TFDP1: variants seen among roughly 807,000 people sequenced by gnomAD.
The protein encoded by TFDP1 is DRTF1-polypeptide 1.
In TFDP1, 6 loss-of-function variants were observed where a neutral mutation model predicts 48.0. The observed-to-expected ratio is 0.13, with a 90% CI of 0.07 to 0.25. TFDP1 has a LOEUF of 0.25. TFDP1 is among the 10% of genes least tolerant of loss of function. The pLI is 1.00. For missense variants in TFDP1, 335 were observed against 543.0 expected, an observed-to-expected ratio of 0.62 and a Z score of 3.81; for synonymous variants, 201 against 211.6, an observed-to-expected ratio of 0.95 and a Z score of 0.44.
Position 113,623,596 on chromosome 13 carries a change from T to A in TFDP1, c.186+310T>A, listed in dbSNP as rs997758643. ...CCAACCAGAGGCAGCTTCCTTTTAGTGTCAGAGCTCGAAGCTCTTCATCTA... is the reference window on the plus strand; with the variant it reads ...CCAACCAGAGGCAGCTTCCTTTTAGAGTCAGAGCTCGAAGCTCTTCATCTA... On this transcript the variant is annotated intron_variant, in intron 4 of 11. Coordinates refer to ENST00000375370, the MANE Select transcript of TFDP1 (RefSeq NM_007111.5). This position sits in a 1 kb window ranked among gnomAD's most constrained non-coding sequence, Gnocchi z 5.2. Among the ~76,000 whole-genome samples the A allele has an allele frequency of 2.6e-5, 4 of 152,050 alleles. No individual in the cohort carries two copies. The highest frequency in any genetic ancestry group is 9.7e-5 in the African/African-American group (4 of 41,392).
chr13:113,603,820 G>T (rs192928605), intron 2 of TFDP1, among the ~76,000 whole-genome samples: 7 of 152,278 alleles, frequency 4.6e-5, no homozygotes, highest in Admixed American at 2.0e-4. Flanking sequence ...GGCAGGTAGG[G>T]TTGCATCTTG....
chr13:113,636,921 G>A (rs879671147), intron 10 of TFDP1, among the ~76,000 whole-genome samples: 3 of 152,212 alleles, frequency 2.0e-5, no homozygotes, highest in African/African-American at 7.2e-5. Flanking sequence ...GGGGCCTTGA[G>A]TCCACAGGTG....
chr13:113,609,460 A>C (rs981253819), intron 2 of TFDP1, among the ~76,000 whole-genome samples: 1 of 151,830 alleles, frequency 6.6e-6, no homozygotes, highest in African/African-American at 2.4e-5. Context: ...GCGTCCTAGG[A>C]TGTGAACTTG....
At chr13:113,608,693 G>C (rs775398156) in intron 2 of TFDP1, among the ~76,000 whole-genome samples, 2 of 152,176 alleles carry the variant, frequency 1.3e-5, no homozygotes, top group Admixed American at 1.3e-4. Flanking sequence ...GACCCACCTT[G>C]TGTTTAACTT....
chr13:113,633,316 G>T lies in TFDP1; in HGVS notation c.474+31G>T, dbSNP rs1235770999. The T allele has an allele frequency of 1.1e-5, 18 of 1,603,238 alleles. No homozygotes were observed. Among genetic ancestry groups the T allele is most frequent in the Non-Finnish European group, 1.5e-5 (17 of 1,172,304 alleles). On this transcript the variant is annotated intron_variant, in intron 6 of 11. Transcript: ENST00000375370. This position sits in a 1 kb window ranked among gnomAD's most constrained non-coding sequence, Gnocchi z 4.5. ...TGTGTGCCGGGGGCCGAGAGGCTGG[G>T]GTGGCGGAGCCCAGCGGTGTGGTAC...
At chr13:113,601,978 G>A (rs1415977089) in intron 2 of TFDP1, among the ~76,000 whole-genome samples, 2 of 148,838 alleles carry the variant, frequency 1.3e-5, no homozygotes, top group Non-Finnish European at 3.0e-5. Flanking sequence ...GTAGCGGACA[G>A]AGGAGGGACG....
chr13:113,613,258 C>T (rs986663361), intron 3 of TFDP1, among the ~76,000 whole-genome samples: 15 of 152,240 alleles, frequency 9.9e-5, no homozygotes, highest in Admixed American at 6.5e-5. Context: ...TCATGATCCG[C>T]CCACCTTGGC....
At chr13:113,605,255 T>C (rs11164141) in intron 2 of TFDP1, among the ~76,000 whole-genome samples, 74,442 of 151,846 alleles carry the variant, frequency 0.49, 20,851 homozygotes, top group African/African-American at 0.77. Flanking sequence ...GAGTGGGATC[T>C]CGTTTTTCAG....
At chr13:113,601,655 C>T (rs564949794) in intron 2 of TFDP1, among the ~76,000 whole-genome samples, 15 of 152,286 alleles carry the variant, frequency 9.8e-5, no homozygotes, top group South Asian at 6.2e-4. Context: ...CAGGAGGACT[C>T]GTGGGAGCTC....
In TFDP1 at chr13:113,640,358, A is replaced by G. The variant is rs4150824; in HGVS notation, c.*91A>G. On this transcript the variant is annotated 3_prime_UTR_variant, in exon 12 of 12. Coordinates refer to ENST00000375370, the MANE Select transcript of TFDP1 (RefSeq NM_007111.5). ...TGGGTTTTCTGTTTCCTTTTGGCCT[A>G]CTCCCAAGAAGATATTGGTAAGCTA... 1,545 of 1,517,976 alleles carry G rather than the reference A, an allele frequency of 1.0e-3. 32 individuals carry two copies. The Admixed American group carries it at 0.028, about 27-fold the overall frequency. The allele number at this position is 1,517,976 out of a possible 1,614,324, so 94.0% of individuals were successfully genotyped here.
In TFDP1 at chr13:113,623,151, G is replaced by T; in HGVS notation, c.80-29G>T. The T allele has an allele frequency of 6.3e-7, 1 of 1,592,780 alleles. No homozygotes were observed. The highest frequency in any genetic ancestry group is 1.1e-5 in the South Asian group (1 of 88,746). The stretch of plus-strand genomic sequence containing the variant: ...AGCCTTAACTTAGAAAAGGAGTCTC[G>T]CCCTTGACCTGGTGTCCTTGTGTTG... On this transcript the variant is annotated intron_variant, in intron 3 of 11. Coordinates refer to ENST00000375370, the MANE Select transcript of TFDP1 (RefSeq NM_007111.5). The surrounding 1 kb of genome is among the most constrained non-coding windows in gnomAD (Gnocchi z 5.2).
chr13:113,592,737 C>T (rs116557812), intron 2 of TFDP1, among the ~76,000 whole-genome samples: 189 of 152,344 alleles, frequency 1.2e-3, no homozygotes, highest in African/African-American at 4.3e-3. Context: ...CCCCTCCTGC[C>T]CAGGTGACAG....
chr13:113,597,818 A>C (rs891565217), intron 2 of TFDP1, among the ~76,000 whole-genome samples: 26 of 152,210 alleles, frequency 1.7e-4, no homozygotes, highest in Non-Finnish European at 3.4e-4. Context: ...CTCAGGAGCC[A>C]GCATCCAGAC....
chr13:113,597,955 C>T (rs1254896961), intron 2 of TFDP1, among the ~76,000 whole-genome samples: 1 of 152,150 alleles, frequency 6.6e-6, no homozygotes, highest in Non-Finnish European at 1.5e-5. Flanking sequence ...GGTGGAGTCT[C>T]CGAGGCAGCA....
At position 113,633,934 on chromosome 13, in the gene TFDP1, A is replaced by G. The variant is rs762466193; in HGVS notation, c.519A>G (p.Leu173=). Residue 173 remains leucine, a synonymous_variant, in exon 7 of 12, where the codon TTA becomes TTG. Transcript: ENST00000375370. This position sits in a 1 kb window ranked among gnomAD's most constrained non-coding sequence, Gnocchi z 4.5. ...TAAGACGGCGCGTCTACGATGCCTTAAACGTGCTAATGGCCATGAACATCA... is the reference window on the plus strand; with the variant it reads ...TAAGACGGCGCGTCTACGATGCCTTGAACGTGCTAATGGCCATGAACATCA... ...KNIRRRVYDA[L]NVLMAMNIIS... is the part of the protein sequence containing the mutation. The G allele has an allele frequency of 1.9e-6, 3 of 1,614,076 alleles. No homozygotes were observed. The highest frequency in any genetic ancestry group is 2.5e-6 in the Non-Finnish European group (3 of 1,180,050).
At chr13:113,614,240 AGT>A (rs762423281) in intron 3 of TFDP1, among the ~76,000 whole-genome samples, 4 of 150,170 alleles carry the variant, frequency 2.7e-5, no homozygotes, top group East Asian at 4.0e-4. Flanking sequence ...GTGTGAGTTG[AGT>A]GTGAGTTCTG....
At chr13:113,631,002 C>G (rs544606619) in intron 4 of TFDP1, among the ~76,000 whole-genome samples, 1 of 152,336 alleles carries the variant, frequency 6.6e-6, no homozygotes, top group Non-Finnish European at 1.5e-5. Context: ...CCTTGCCTGA[C>G]GCCGTTGTGG....
At chr13:113,635,850 C>A in intron 8 of TFDP1, 127 bp from the exon 9 acceptor site, 2 of 1,116,672 alleles carry the variant, frequency 1.8e-6, no homozygotes, top group Non-Finnish European at 2.6e-6. Context: ...CCGGCGCTGG[C>A]ATTTCAGATG....
chr13:113,596,753 T>A (rs980357937), intron 2 of TFDP1, among the ~76,000 whole-genome samples: 2 of 152,246 alleles, frequency 1.3e-5, no homozygotes, highest in African/African-American at 4.8e-5. Context: ...TGGAAGGGGA[T>A]GAAGGTGGTC....
Sources: gnomAD v4.1 joint callset for allele counts (sites outside exome capture counted in the v4.1 genomes callset) on GRCh38, gnomAD v4.1.1 for gene constraint, Gnocchi (gnomAD v3.1) non-coding constraint, MANE v1.5 for transcripts, NCBI Gene and HGNC (gene_info 2026-07-23, HGNC 2026-07-21) for gene names.